SCRN1: variants seen among roughly 807,000 people sequenced by gnomAD.
SCRN1 encodes secernin-1.
Under a neutral mutation model 43.3 loss-of-function variants are expected in SCRN1, and 19 were observed. The ratio of observed to expected loss-of-function variants is 0.44; its 90% CI spans 0.31 to 0.64. The LOEUF (loss-of-function observed/expected upper bound fraction) is 0.64. Among genes scored for constraint, SCRN1 ranks in the 30% least tolerant of loss-of-function variants. The pLI is 0.09. For synonymous variants in SCRN1, 183 were observed against 188.9 expected (o/e 0.97, Z 0.26); for missense variants, 447 against 524.1 (o/e 0.85, Z 1.44).
At chr7:29,976,174 G>A (rs1045561339) in intron 1 of SCRN1, among the ~76,000 whole-genome samples, 3 of 152,152 alleles carry the variant, frequency 2.0e-5, no homozygotes, top group Non-Finnish European at 4.4e-5. Flanking sequence ...CGCTGTCCAG[G>A]AGCATTTTCT....
chr7:29,937,892 C>G (rs1787395091), intron 5 of SCRN1, among the ~76,000 whole-genome samples: 1 of 152,164 alleles, frequency 6.6e-6, no homozygotes. Context: ...CATGTCATAC[C>G]TAGAAATATT....
intron 2 of SCRN1, among the ~76,000 whole-genome samples, chr7:29,963,014 A>C (rs1391413233): frequency 6.6e-6 from 1 of 151,924 alleles, no homozygotes; most frequent in African/African-American, 2.4e-5. Context: ...TGAGACCCGG[A>C]GTCACAGCAA....
chr7:29,989,924 G>C (rs991896747), upstream of SCRN1: 14 of 1,076,032 alleles, frequency 1.3e-5, no homozygotes, highest in South Asian at 2.7e-5. Context: ...CTGGCTGCAC[G>C]GGCCGCGGCG....
chr7:29,940,566 A>G, intron 5 of SCRN1, 116 bp downstream of exon 5: 1 of 958,134 alleles, frequency 1.0e-6, no homozygotes, highest in South Asian at 1.8e-5. Flanking sequence ...GTCTTTACAT[A>G]CAAGGACTAT....
At chr7:29,944,800 C>T (rs1289124238) in intron 3 of SCRN1, among the ~76,000 whole-genome samples, 1 of 152,066 alleles carries the variant, frequency 6.6e-6, no homozygotes, top group Non-Finnish European at 1.5e-5. Context: ...TGTGTGTCTT[C>T]CCCTCTTCTG....
chr7:29,937,028 A>G (rs1787362234), intron 5 of SCRN1, among the ~76,000 whole-genome samples: 2 of 152,202 alleles, frequency 1.3e-5, no homozygotes, highest in South Asian at 4.1e-4. Flanking sequence ...CCTGGGCGAC[A>G]GAGCGAGACT....
Position 29,936,733 on chromosome 7 carries a change from CA to C in SCRN1, c.740-13del. The C allele has an allele frequency of 6.6e-7, 1 of 1,522,460 alleles. No homozygotes were observed. Among genetic ancestry groups the C allele is most frequent in the Non-Finnish European group, 8.9e-7 (1 of 1,119,698 alleles). The allele number at this position is 1,522,460 out of a possible 1,614,324, so 94.3% of individuals were successfully genotyped here. A position where few individuals can be genotyped will look rare whatever the true frequency, so the allele number is the denominator to read the frequency against. ...CACTGTGATGCTTTCTGCAAAAACA[CA>C]AAAGACAGACAAATGGAAAGAGTAG... On this transcript the variant is annotated splice_polypyrimidine_tract_variant and intron_variant, in intron 5 of 7. Transcript: ENST00000242059.
chr7:29,940,935 A>C, intron 4 of SCRN1, 59 bp from the exon 5 acceptor site: 2 of 1,343,234 alleles, frequency 1.5e-6, no homozygotes, highest in Non-Finnish European at 2.0e-6. Context: ...TTAATCAACA[A>C]ATGGAAATGT....
At chr7:29,973,816 G>A (rs982498757) in intron 1 of SCRN1, among the ~76,000 whole-genome samples, 11 of 152,100 alleles carry the variant, frequency 7.2e-5, no homozygotes, top group African/African-American at 2.2e-4. Flanking sequence ...ATGGGCAAGG[G>A]GTATGCATAA....
At position 29,947,272 on chromosome 7, in the gene SCRN1, C is replaced by T. The variant is rs1258287214; in HGVS notation, c.342-3093G>A. Reference sequence around the variant, plus strand: ...TTTCCCTGGGAGCCCATGACCTTCTCACAGGTATGTCAAGCTCACCCTGCC... The same window carrying T: ...TTTCCCTGGGAGCCCATGACCTTCTTACAGGTATGTCAAGCTCACCCTGCC... On this transcript the variant is annotated intron_variant, in intron 3 of 7. Coordinates refer to ENST00000242059, the MANE Select transcript of SCRN1 (RefSeq NM_014766.5). 1.9e-6 allele frequency: 3 copies of T among 1,550,686 alleles called. No homozygotes were observed. In the African/African-American group the frequency reaches 4.1e-5, roughly 21 times the overall value.
chr7:29,969,002 C>G lies in SCRN1; in HGVS notation c.66G>C (p.Val22=). Residue 22 remains valine, a synonymous_variant, in exon 2 of 8, where the codon GTG becomes GTC. Transcript: ENST00000242059. ...GCCGGGCTGAATTTTTCCCAAATAC[C>G]ACCAGACCATCCTTAGCACGTGGAG... ...AFPPRAKDGL[V]VFGKNSARPR... is the part of the protein sequence containing the mutation. 1.2e-6 allele frequency: 2 copies of G among 1,614,030 alleles called. No individual in the cohort carries two copies. The highest frequency in any genetic ancestry group is 1.7e-6 in the Non-Finnish European group (2 of 1,179,984).
intron 4 of SCRN1, among the ~76,000 whole-genome samples, chr7:29,941,792 C>T (rs1787566470): frequency 1.3e-5 from 2 of 152,376 alleles, no homozygotes; most frequent in Non-Finnish European, 2.9e-5. Flanking sequence ...CAGGACAACT[C>T]AGCCTTCCAG....
intron 6 of SCRN1, among the ~76,000 whole-genome samples, chr7:29,930,423 ATACTCTGACAT>A (rs964088303): frequency 2.0e-4 from 31 of 152,170 alleles, no homozygotes; most frequent in African/African-American, 6.8e-4. Context: ...AGATAAGGAG[ATACTCTGACAT>A]TTTCCCACAG....
intron 6 of SCRN1, among the ~76,000 whole-genome samples, chr7:29,929,505 C>T (rs918052956): frequency 1.4e-4 from 22 of 152,346 alleles, no homozygotes; most frequent in Middle Eastern, 3.4e-3. Context: ...TCCCTTACTG[C>T]GCATCTCAGG....
chr7:29,940,881 A>G lies in SCRN1; in HGVS notation c.545-5T>C, dbSNP rs1787521900. On this transcript the variant is annotated splice_polypyrimidine_tract_variant and splice_region_variant and intron_variant, in intron 4 of 7. Coordinates refer to ENST00000242059, the MANE Select transcript of SCRN1 (RefSeq NM_014766.5). ...TGCAAATGCACCTCACTCCCTCTGC[A>G]GAGAGTGCAAAGCCCCATAAGTTAA... is the stretch of plus-strand genomic sequence containing the variant. 1 of 1,515,194 alleles carries G rather than the reference A, an allele frequency of 6.6e-7. No individual in the cohort carries two copies. Among genetic ancestry groups the G allele is most frequent in the Non-Finnish European group, 8.8e-7 (1 of 1,138,188 alleles). The allele number at this position is 1,515,194 out of a possible 1,614,324, so 93.9% of individuals were successfully genotyped here. A position where few individuals can be genotyped will look rare whatever the true frequency, so the allele number is the denominator to read the frequency against.
chr7:29,971,833 C>T (rs567871622), intron 1 of SCRN1, among the ~76,000 whole-genome samples: 1 of 152,250 alleles, frequency 6.6e-6, no homozygotes, highest in African/African-American at 2.4e-5. Context: ...ATCCAATCTA[C>T]TTCAGGTTAA....
At chr7:29,986,614 C>A (rs1789162746) in intron 1 of SCRN1, among the ~76,000 whole-genome samples, 1 of 151,884 alleles carries the variant, frequency 6.6e-6, no homozygotes, top group African/African-American at 2.4e-5. Flanking sequence ...TCAACAGACA[C>A]AAATTGCATG....
chr7:29,924,228 C>G, intron 7 of SCRN1, 113 bp from the exon 8 acceptor site: 1 of 1,021,168 alleles, frequency 9.8e-7, no homozygotes, highest in Non-Finnish European at 1.4e-6. Flanking sequence ...CCTGTCCTCC[C>G]CACACTCCGT....
chr7:29,938,708 C>T (rs1355095790), intron 5 of SCRN1, among the ~76,000 whole-genome samples: 2 of 152,204 alleles, frequency 1.3e-5, no homozygotes, highest in Admixed American at 6.5e-5. Context: ...CCTTTGTTTC[C>T]CATAAGGAAT....
Sources: allele counts gnomAD v4.1 joint callset (sites outside exome capture counted in the v4.1 genomes callset), GRCh38; gene constraint gnomAD v4.1.1; transcripts MANE v1.5; gene names NCBI Gene and HGNC (gene_info 2026-07-23, HGNC 2026-07-21).